WWOX: variants seen among roughly 807,000 people sequenced by gnomAD.
The protein encoded by WWOX is WW domain-containing oxidoreductase.
WWOX carries 69 observed loss-of-function variants against 46.2 expected under a neutral mutation model. The ratio of observed to expected loss-of-function variants is 1.49; its 90% CI spans 1.23 to 1.82. The LOEUF is 1.82. Ranked by LOEUF, WWOX falls within the 40% of genes most tolerant of loss-of-function variation. The pLI is 0.00. For missense variants in WWOX, 919 were observed against 542.6 expected (o/e 1.69, Z -6.89); for synonymous variants, 359 against 202.6 (o/e 1.77, Z -6.56).
chr16:78,190,472 ACT>A (rs1218762294), intron 5 of WWOX, among the ~76,000 whole-genome samples: 1 of 151,998 alleles, frequency 6.6e-6, no homozygotes, highest in African/African-American at 2.4e-5. Context: ...ATACCTAGTG[ACT>A]CTCTGGTCTC....
intron 8 of WWOX, among the ~76,000 whole-genome samples, chr16:78,675,059 T>C (rs2047559289): frequency 6.6e-6 from 1 of 152,198 alleles, no homozygotes; most frequent in African/African-American, 2.4e-5. Flanking sequence ...GCTAAGTAAA[T>C]GGTACATGTG....
chr16:78,303,515 CGTTTTTGTTTTTT>C (rs1490945572), intron 5 of WWOX, among the ~76,000 whole-genome samples: 2 of 152,002 alleles, frequency 1.3e-5, no homozygotes, highest in African/African-American at 2.4e-5. Context: ...TGTGCTCTTT[CGTTTTTGTTTTTT>C]GTTTTTGTTT....
chr16:78,150,075 A>C (rs1366693508), intron 4 of WWOX, among the ~76,000 whole-genome samples: 3 of 152,194 alleles, frequency 2.0e-5, no homozygotes, highest in Non-Finnish European at 4.4e-5. Flanking sequence ...TTCAAATGCC[A>C]GTAGCAAGTT....
intron 4 of WWOX, among the ~76,000 whole-genome samples, chr16:78,162,760 A>T (rs2034838578): frequency 6.6e-6 from 1 of 151,968 alleles, no homozygotes; most frequent in African/African-American, 2.4e-5. Flanking sequence ...AATGTGTTTC[A>T]TATGTCTCTT....
intron 5 of WWOX, among the ~76,000 whole-genome samples, chr16:78,177,958 A>G (rs947372350): frequency 6.6e-6 from 1 of 152,244 alleles, no homozygotes; most frequent in African/African-American, 2.4e-5. Context: ...ATCCCTTTCA[A>G]TAGTTCCTGT....
intron 8 of WWOX, among the ~76,000 whole-genome samples, chr16:78,915,508 C>G (rs1027096195): frequency 2.0e-5 from 3 of 152,226 alleles, no homozygotes; most frequent in African/African-American, 4.8e-5. Flanking sequence ...CACAGAATGT[C>G]GCATGCAGAT....
chr16:78,624,869 A>G (rs951453875), intron 8 of WWOX, among the ~76,000 whole-genome samples: 2 of 152,184 alleles, frequency 1.3e-5, no homozygotes, highest in Non-Finnish European at 2.9e-5. Context: ...ATGATTTTGA[A>G]TGCTGGCATG....
At chr16:78,661,693 C>T (rs1469912338) in intron 8 of WWOX, among the ~76,000 whole-genome samples, 2 of 152,052 alleles carry the variant, frequency 1.3e-5, no homozygotes, top group Non-Finnish European at 2.9e-5. Flanking sequence ...GGAAAAGCTT[C>T]AGGGAAGGGC....
At chr16:78,147,694 TTTA>T (rs1449090896) in intron 4 of WWOX, among the ~76,000 whole-genome samples, 131 of 108,968 alleles carry the variant, frequency 1.2e-3, no homozygotes, top group African/African-American at 4.1e-3. Flanking sequence ...TTTTTTTTTT[TTTA>T]AAAAAAAAAA....
At chr16:78,872,056 C>T (rs1482165485) in intron 8 of WWOX, among the ~76,000 whole-genome samples, 2 of 152,242 alleles carry the variant, frequency 1.3e-5, no homozygotes, top group African/African-American at 4.8e-5. Context: ...TCTGTCAACC[C>T]TTCTAACCAG....
In WWOX at chr16:78,941,560, A is replaced by C. The variant is rs1247508946; in HGVS notation, c.1057-270048A>C. 2.0e-5 allele frequency among the ~76,000 whole-genome samples: 3 copies of C among 152,066 alleles called. No homozygotes were observed. The East Asian group carries it at 5.8e-4, about 29-fold the overall frequency. On this transcript the variant is annotated intron_variant, in intron 8 of 8. Coordinates refer to ENST00000566780, the MANE Select transcript of WWOX (RefSeq NM_016373.4). ...TGGGGACGGGGGGATAGAGTTATGA[A>C]ATGGACCATTTCAAATGGCATTATC...
chr16:78,780,200 C>A (rs991101521), intron 8 of WWOX, among the ~76,000 whole-genome samples: 1 of 152,100 alleles, frequency 6.6e-6, no homozygotes, highest in Non-Finnish European at 1.5e-5. Flanking sequence ...TTCTCTTCTC[C>A]TTCCAAGAAA....
At chr16:78,365,426 C>A (rs1308313674) in intron 5 of WWOX, among the ~76,000 whole-genome samples, 1 of 152,190 alleles carries the variant, frequency 6.6e-6, no homozygotes, top group Non-Finnish European at 1.5e-5. Flanking sequence ...GTTCTTGGCA[C>A]ACAGAGCATC....
rs2047828831 is a variant in WWOX at position 79,034,545 on chromosome 16, C to T, written c.1057-177063C>T. On this transcript the variant is annotated intron_variant, in intron 8 of 8. Coordinates refer to ENST00000566780, the MANE Select transcript of WWOX (RefSeq NM_016373.4). ...CCTCACCGAATGATCAGGAGACTGG[C>T]TTCCCCAATGCCCTGGGCTTAATTC... Among the ~76,000 whole-genome samples the T allele has an allele frequency of 3.3e-5, 5 of 152,230 alleles. No individual in the cohort carries two copies. The South Asian group carries it at 1.0e-3, about 32-fold the overall frequency.
chr16:78,460,502 G>T (rs2083924356), intron 8 of WWOX, among the ~76,000 whole-genome samples: 1 of 152,078 alleles, frequency 6.6e-6, no homozygotes, highest in Non-Finnish European at 1.5e-5. Flanking sequence ...CAAGCTTCCA[G>T]TGCACAGATT....
intron 3 of WWOX, among the ~76,000 whole-genome samples, chr16:78,112,303 A>G (rs2032537534): frequency 6.6e-6 from 1 of 152,180 alleles, no homozygotes; most frequent in Non-Finnish European, 1.5e-5. Context: ...GAGGCTCTCC[A>G]AAGCATTCGA....
At chr16:78,924,692 G>C (rs893994170) in intron 8 of WWOX, among the ~76,000 whole-genome samples, 4 of 152,180 alleles carry the variant, frequency 2.6e-5, no homozygotes, top group Non-Finnish European at 5.9e-5. Context: ...CTGTGTGGGA[G>C]AGTAACCATT....
At chr16:78,860,229 T>C (rs1042915599) in intron 8 of WWOX, among the ~76,000 whole-genome samples, 1 of 152,226 alleles carries the variant, frequency 6.6e-6, no homozygotes, top group Non-Finnish European at 1.5e-5. Context: ...ATTTATACTA[T>C]TTGTCAATTC....
Position 78,520,134 on chromosome 16 carries a change from C to T in WWOX, c.1056+87382C>T, listed in dbSNP as rs571336370. On this transcript the variant is annotated intron_variant, in intron 8 of 8. Transcript: ENST00000566780. ...CCACAGATAGTGATGCAATAACATC[C>T]TTGTTCGCATGTCCAGTCTGAAGCT... 2.6e-5 allele frequency among the ~76,000 whole-genome samples: 4 copies of T among 152,300 alleles called. No homozygotes were observed. The South Asian group carries it at 8.3e-4, about 32-fold the overall frequency.
Sources: allele counts gnomAD v4.1 joint callset (sites outside exome capture counted in the v4.1 genomes callset), GRCh38; gene constraint gnomAD v4.1.1; transcripts MANE v1.5; gene names NCBI Gene and HGNC (gene_info 2026-07-23, HGNC 2026-07-21).